Variants in GFI1B observed in about 807,000 individuals in gnomAD.
The protein encoded by GFI1B is growth factor independent 1B transcriptional repressor, also known as zinc finger protein Gfi-1b.
Under a neutral mutation model 35.3 loss-of-function variants are expected in GFI1B, and 20 were observed. That is an observed-to-expected ratio of 0.57 (90% confidence interval 0.40 to 0.82). The LOEUF (loss-of-function observed/expected upper bound fraction) is 0.82, where lower values mean the gene tolerates loss of function less well. GFI1B is among the 40% of genes least tolerant of loss of function. The pLI is 0.00. For synonymous variants in GFI1B, 178 were observed against 177.6 expected (o/e 1.00, Z -0.02); for missense variants, 430 against 446.3 (o/e 0.96, Z 0.33).
chr9:132,987,571 G>T, intron 3 of GFI1B, 152 bp downstream of exon 3: 1 of 893,606 alleles, frequency 1.1e-6, no homozygotes, highest in Non-Finnish European at 1.8e-6. Context: ...TTCTGCTTGG[G>T]CCTCTCAGAC....
chr9:132,972,817 A>G (rs1848553099), intron 2 of GFI1B: 1 of 152,122 alleles, frequency 6.6e-6, no homozygotes, highest in South Asian at 2.1e-4. Context: ...CCTGGGTCGT[A>G]GGGTGGGGAG....
intron 3 of GFI1B, 45 bp from the exon 4 acceptor site, chr9:132,988,152 C>A (rs1564178409): frequency 6.3e-7 from 1 of 1,591,690 alleles, no homozygotes; most frequent in Admixed American, 1.7e-5. Flanking sequence ...TGCCCAACCC[C>A]CTGTGTTTAA....
chr9:132,961,954 G>C (rs1284259732), intron 1 of GFI1B, among the ~76,000 whole-genome samples: 1 of 151,752 alleles, frequency 6.6e-6, no homozygotes, highest in Non-Finnish European at 1.5e-5. Context: ...CTACACTTCT[G>C]GGAGTGGGAG....
At chr9:132,979,480 C>G (rs1339815311) in intron 1 of GFI1B, among the ~76,000 whole-genome samples, 2 of 151,986 alleles carry the variant, frequency 1.3e-5, no homozygotes, top group Non-Finnish European at 2.9e-5. Context: ...CTCAAACGAT[C>G]CACCTGCCTC....
At chr9:132,975,694 G>A (rs1848617039), upstream of GFI1B, among the ~76,000 whole-genome samples, 1 of 152,192 alleles carries the variant, frequency 6.6e-6, no homozygotes, top group South Asian at 2.1e-4. Context: ...ACATAAGGGA[G>A]GGAAGGAAAG....
intron 1 of GFI1B, among the ~76,000 whole-genome samples, chr9:132,972,027 C>T (rs558497291): frequency 6.6e-6 from 1 of 151,236 alleles, no homozygotes; most frequent in Admixed American, 6.6e-5. Context: ...GTAATCCCAG[C>T]ACTTTGGGAG....
chr9:132,986,570 T>A, intron 1 of GFI1B, 89 bp from the exon 2 acceptor site: 1 of 734,550 alleles, frequency 1.4e-6, no homozygotes, highest in Non-Finnish European at 2.5e-6. Flanking sequence ...CCAGTATAGC[T>A]GGTGTTTTAT....
At chr9:132,982,855 C>T (rs991218096) in intron 1 of GFI1B, among the ~76,000 whole-genome samples, 55 of 152,142 alleles carry the variant, frequency 3.6e-4, no homozygotes, top group African/African-American at 1.3e-3. Context: ...GGCAAGAAAG[C>T]GGGTGTGGGG....
chr9:132,980,837 G>T (rs62579577), intron 1 of GFI1B, among the ~76,000 whole-genome samples: 2 of 152,276 alleles, frequency 1.3e-5, no homozygotes, highest in South Asian at 4.1e-4. Context: ...TGTAGCATGC[G>T]CCAGCATTTC....
chr9:132,949,595 G>A (rs1452174207), intron 1 of GFI1B: 1 of 152,344 alleles, frequency 6.6e-6, no homozygotes, highest in East Asian at 1.9e-4. Context: ...ATGCAATAAG[G>A]CGGGACTGTG....
At chr9:132,972,132 A>G (rs1346729518) in intron 1 of GFI1B, among the ~76,000 whole-genome samples, 1 of 152,096 alleles carries the variant, frequency 6.6e-6, no homozygotes, top group African/African-American at 2.4e-5. Context: ...AAAAATAATT[A>G]GCCAGGTGGC....
chr9:132,968,090 A>T (rs1445899867), intron 1 of GFI1B, among the ~76,000 whole-genome samples: 1 of 48,504 alleles, frequency 2.1e-5, no homozygotes, highest in African/African-American at 1.1e-4. Context: ...CCATTCTTTT[A>T]TTTATTTATT....
intron 1 of GFI1B, among the ~76,000 whole-genome samples, chr9:132,967,818 G>C (rs150366542): frequency 6.6e-6 from 1 of 152,034 alleles, no homozygotes; most frequent in Non-Finnish European, 1.5e-5. Flanking sequence ...CTCTTGCTCT[G>C]TCACCCAGGC....
Position 132,987,326 on chromosome 9 carries a change from C to G in GFI1B, c.145C>G (p.Leu49Val), listed in dbSNP as rs947590696. 2 of 1,614,184 alleles carry G rather than the reference C, an allele frequency of 1.2e-6. No homozygotes were observed. The highest frequency in any genetic ancestry group is 8.5e-7 in the Non-Finnish European group (1 of 1,179,994). The change falls in exon 3 of 7, where the codon CTA (leucine) becomes GTA (valine). Residue 49 changes from leucine (L) to valine (V), a missense_variant. Leu to Val is a conservative substitution (Grantham distance 32). Transcript: ENST00000372122. The stretch of plus-strand genomic sequence containing the variant: ...AAGCAACAGCCCTGTCCTTAGCACT[C>G]TATTCCCAAACCAGTGCCTGGACTG... ...APSNSPVLST[L>V]FPNQCLDWTN...
chr9:132,982,372 A>G (rs1588431036), intron 1 of GFI1B, among the ~76,000 whole-genome samples: 1 of 152,334 alleles, frequency 6.6e-6, no homozygotes, highest in Non-Finnish European at 1.5e-5. Context: ...GCCTCATTAC[A>G]GGGACATCAC....
At chr9:132,981,504 G>T (rs575121949) in intron 1 of GFI1B, among the ~76,000 whole-genome samples, 46 of 152,206 alleles carry the variant, frequency 3.0e-4, no homozygotes, top group Non-Finnish European at 5.1e-4. Context: ...CAACTGTGGT[G>T]GTGCATGCCT....
chr9:132,969,739 T>C (rs1392621328), intron 1 of GFI1B, among the ~76,000 whole-genome samples: 1 of 152,208 alleles, frequency 6.6e-6, no homozygotes, highest in South Asian at 2.1e-4. Flanking sequence ...CCTTTAAAAC[T>C]GCAAACCATT....
Position 132,989,347 on chromosome 9 carries a change from T to A in GFI1B, c.648+149T>A. On this transcript the variant is annotated intron_variant, in intron 5 of 6. Coordinates refer to ENST00000372122, the MANE Select transcript of GFI1B (RefSeq NM_001377304.1). This position sits in a 1 kb window ranked among gnomAD's most constrained non-coding sequence, Gnocchi z 6.2. ...CCCCTAGTACCCACCTCCCTGGGTC[T>A]GGGTCTCCAACACCTGCCCTTAACA... is the stretch of plus-strand genomic sequence containing the variant. 1 of 758,764 alleles carries A rather than the reference T, an allele frequency of 1.3e-6. No individual in the cohort carries two copies. The highest frequency in any genetic ancestry group is 1.5e-5 in the South Asian group (1 of 67,422). The allele number at this position is 758,764 out of a possible 1,614,324, so 47.0% of individuals were successfully genotyped here.
intron 1 of GFI1B, among the ~76,000 whole-genome samples, chr9:132,956,223 TA>T (rs1848281536): frequency 6.6e-6 from 1 of 152,232 alleles, no homozygotes; most frequent in African/African-American, 2.4e-5. Context: ...TGTTGTTTTT[TA>T]AACTGTTGTA....
Sources: allele counts gnomAD v4.1 joint callset (sites outside exome capture counted in the v4.1 genomes callset), GRCh38; gene constraint gnomAD v4.1.1; non-coding constraint Gnocchi (gnomAD v3.1); transcripts MANE v1.5; gene names NCBI Gene and HGNC (gene_info 2026-07-23, HGNC 2026-07-21).